Variants in HPN observed in about 807,000 individuals in gnomAD.
HPN encodes serine protease hepsin.
Under a neutral mutation model 55.9 loss-of-function variants are expected in HPN, and 13 were observed. That is an observed-to-expected ratio of 0.23 (90% CI 0.15 to 0.37). The LOEUF is 0.37. Among genes scored for constraint, HPN ranks in the 10% least tolerant of loss-of-function variants. The pLI is 1.00. For missense variants in HPN, 451 were observed against 575.8 expected (o/e 0.78, Z 2.22); for synonymous variants, 225 against 240.3 (o/e 0.94, Z 0.59).
chr19:35,057,384 C>T (rs1163689114), intron 4 of HPN, among the ~76,000 whole-genome samples: 2 of 151,196 alleles, frequency 1.3e-5, no homozygotes, highest in Non-Finnish European at 2.9e-5. Context: ...CAAGGTTGCA[C>T]CAGTGCATTC....
At chr19:35,049,975 T>C (rs2064386591) in intron 4 of HPN, among the ~76,000 whole-genome samples, 1 of 151,812 alleles carries the variant, frequency 6.6e-6, no homozygotes. Context: ...CTTTGAGCAA[T>C]GCAGCAGTTT....
chr19:35,055,921 T>A (rs144185368), intron 4 of HPN, among the ~76,000 whole-genome samples: 1,817 of 152,270 alleles, frequency 0.012, 16 homozygotes, highest in Non-Finnish European at 0.02. Context: ...CTCCCCTGGC[T>A]GCACCTCACA....
At position 35,065,539 on chromosome 19, in the gene HPN, G is replaced by C; in HGVS notation, c.908G>C (p.Gly303Ala). The change falls in exon 11 of 13, where the codon GGC becomes GCC. Residue 303 changes from glycine (G) to alanine (A), a missense_variant and splice_region_variant. This residue lies in a region of HPN where 378 missense variants were observed against 445.5 expected (regional missense o/e 0.85). Coordinates refer to ENST00000672452, the MANE Select transcript of HPN (RefSeq NM_001384133.1). ...GCCAGCCTTGCCTGCACACCCCCAG[G>C]CCAACAGGCCGGGGTACTCCAGGAG... ...VTGWGNTQYYGQQAGVLQEAR... is the reference protein window; with the variant it reads ...VTGWGNTQYYAQQAGVLQEAR... 6.2e-7 allele frequency: 1 copy of C among 1,613,884 alleles called. No individual in the cohort carries two copies. The highest frequency in any genetic ancestry group is 8.5e-7 in the Non-Finnish European group (1 of 1,179,956).
intron 2 of HPN, 67 bp from the exon 3 acceptor site, chr19:35,049,223 C>G: frequency 8.2e-7 from 1 of 1,216,858 alleles, no homozygotes. Flanking sequence ...CAGAGCTGGC[C>G]TCGGGCCCAG....
chr19:35,065,713 C>T (rs776329060), intron 11 of HPN, 32 bp downstream of exon 11: 68 of 1,612,340 alleles, frequency 4.2e-5, no homozygotes, highest in South Asian at 1.1e-4. Context: ...GCCCCCTGGT[C>T]GCTGCCACCC....
intron 2 of HPN, among the ~76,000 whole-genome samples, chr19:35,043,242 G>A (rs1367819269): frequency 1.3e-5 from 2 of 151,980 alleles, no homozygotes; most frequent in Non-Finnish European, 2.9e-5. Context: ...ATAAGGATGA[G>A]AGAGAGAGAC....
intron 4 of HPN, among the ~76,000 whole-genome samples, chr19:35,051,904 G>A (rs1237757976): frequency 6.6e-6 from 1 of 152,136 alleles, no homozygotes; most frequent in Non-Finnish European, 1.5e-5. Context: ...CCTGTCAAAA[G>A]CCCCTCCGTG....
intron 4 of HPN, among the ~76,000 whole-genome samples, chr19:35,054,401 G>C (rs2064434223): frequency 7.0e-6 from 1 of 143,662 alleles, no homozygotes; most frequent in Admixed American, 7.1e-5. Flanking sequence ...CTGAGCAACA[G>C]AGCAAGATTA....
upstream of HPN, chr19:35,041,546 G>A (rs1406274466): frequency 9.8e-6 from 8 of 814,722 alleles, no homozygotes; most frequent in South Asian, 4.4e-4. Flanking sequence ...CATCCCCGCA[G>A]ACAGGCACAC....
intron 4 of HPN, chr19:35,050,498 G>A (rs1280795774): frequency 7.8e-7 from 1 of 1,289,172 alleles, no homozygotes; most frequent in South Asian, 1.2e-5. Context: ...GAGGGGCCAG[G>A]AACAGCTCTT....
At chr19:35,042,418 C>T (rs1222933408) in intron 1 of HPN, 35 bp from the exon 2 acceptor site, 4 of 1,537,706 alleles carry the variant, frequency 2.6e-6, no homozygotes, top group African/African-American at 2.7e-5. Flanking sequence ...GGCTGGGCTC[C>T]CCCAGGCCCT....
chr19:35,042,362 C>A (rs1236983838), intron 1 of HPN, 91 bp from the exon 2 acceptor site: 3 of 1,457,802 alleles, frequency 2.1e-6, no homozygotes, highest in Non-Finnish European at 2.7e-6. Context: ...GTCCCTACAG[C>A]CTGCCTGGAT....
chr19:35,066,476 C>A lies in HPN; in HGVS notation c.*189C>A. On this transcript the variant is annotated 3_prime_UTR_variant, in exon 13 of 13. Transcript: ENST00000672452. ...CCCGAGACCACCCAACCTCACCCTC[C>A]TGACCCCCATGTAAATATTGTTCTG... The A allele has an allele frequency of 1.5e-6, 1 of 663,058 alleles. No individual in the cohort carries two copies. Among genetic ancestry groups the A allele is most frequent in the Non-Finnish European group, 2.5e-6 (1 of 395,150 alleles). The allele number at this position is 663,058 out of a possible 1,614,324, so 41.1% of individuals were successfully genotyped here.
At chr19:35,058,569 TTATATTATAATAA>T (rs1449885071) in intron 4 of HPN, among the ~76,000 whole-genome samples, 1 of 147,198 alleles carries the variant, frequency 6.8e-6, no homozygotes, top group Non-Finnish European at 1.5e-5. Flanking sequence ...TATATTAATA[TTATATTATAATAA>T]TATATTATTA....
rs567755461 is a variant in HPN, at chr19:35,063,786, C to T, written c.812-1464C>T. ...ATTTCAGACACAGGGCTGAGGGGGT[C>T]ACAGCATGGGCTTTGGGGTCAGATT... On this transcript the variant is annotated intron_variant, in intron 9 of 12. Coordinates refer to ENST00000672452, the MANE Select transcript of HPN (RefSeq NM_001384133.1). Among the ~76,000 whole-genome samples, 13 of 152,114 alleles carry T rather than the reference C, an allele frequency of 8.5e-5. No individual in the cohort carries two copies. In the South Asian group the frequency reaches 2.7e-3, roughly 32 times the overall value.
At position 35,059,894 on chromosome 19, in the gene HPN, T is replaced by C; in HGVS notation, c.311T>C (p.Leu104Pro). 6.6e-7 allele frequency: 1 copy of C among 1,509,510 alleles called. No homozygotes were observed. Among genetic ancestry groups the C allele is most frequent in the African/African-American group, 1.4e-5 (1 of 72,180 alleles). The allele number at this position is 1,509,510 out of a possible 1,614,324, so 93.5% of individuals were successfully genotyped here. A position where few individuals can be genotyped will look rare whatever the true frequency, so the allele number is the denominator to read the frequency against. ...GFLRALTHSE[L>P]DVRTAGANGT... ...CCCAGGGCACTGACCCACTCCGAGC[T>C]GGACGTGCGAACGGCGGGCGCCAAT... Residue 104 changes from leucine to proline, a missense_variant, in exon 6 of 13, where the codon CTG becomes CCG. Transcript: ENST00000672452.
chr19:35,054,816 G>C (rs1007454866), intron 4 of HPN, among the ~76,000 whole-genome samples: 2 of 152,136 alleles, frequency 1.3e-5, no homozygotes, highest in East Asian at 1.9e-4. Context: ...CTAGCCCCAG[G>C]AACACAGTAG....
At position 35,064,354 on chromosome 19, in the gene HPN, T is replaced by G. The variant is rs1174749483; in HGVS notation, c.812-896T>G. On this transcript the variant is annotated intron_variant, in intron 9 of 12. Transcript: ENST00000672452. ...TCTCTCTCTCTTTCTTCTCTCTCTCTCTTTCTTTTTTTGAGACAGAGTCTT... is the reference window on the plus strand; with the variant it reads ...TCTCTCTCTCTTTCTTCTCTCTCTCGCTTTCTTTTTTTGAGACAGAGTCTT... Among the ~76,000 whole-genome samples the G allele has an allele frequency of 3.3e-5, 5 of 152,082 alleles. No homozygotes were observed. In the East Asian group the frequency reaches 9.7e-4, roughly 30 times the overall value.
At chr19:35,063,624 A>G (rs1304972401) in intron 9 of HPN, among the ~76,000 whole-genome samples, 1 of 152,198 alleles carries the variant, frequency 6.6e-6, no homozygotes, top group Non-Finnish European at 1.5e-5. Context: ...CAGGAGAATC[A>G]CTTGAACCCA....
Sources: gnomAD v4.1 joint callset for allele counts (sites outside exome capture counted in the v4.1 genomes callset) on GRCh38, gnomAD v4.1.1 for gene constraint, gnomAD v4.1.1 regional missense constraint, MANE v1.5 for transcripts, NCBI Gene and HGNC (gene_info 2026-07-23, HGNC 2026-07-21) for gene names.